FMN2: variants seen among roughly 807,000 people sequenced by gnomAD.
FMN2 encodes the protein formin 2.
A neutral mutation model predicts 142.3 loss-of-function variants in FMN2; 51 were observed. The observed-to-expected ratio is 0.36, with a 90% CI of 0.29 to 0.45. FMN2 has a LOEUF of 0.45. Among genes scored for constraint, FMN2 ranks in the 20% least tolerant of loss-of-function variants. The pLI is 1.00. For synonymous variants in FMN2, 882 were observed against 869.8 expected (o/e 1.01, Z -0.25); for missense variants, 1,936 against 2,122.8 (o/e 0.91, Z 1.73).
intron 6 of FMN2, among the ~76,000 whole-genome samples, chr1:240,212,801 C>CCCCAT (rs1340617275): frequency 1.3e-5 from 2 of 152,148 alleles, no homozygotes; most frequent in Non-Finnish European, 2.9e-5. Flanking sequence ...GTGGGGCTTA[C>CCCCAT]ATTGAGAAGA....
intron 1 of FMN2, among the ~76,000 whole-genome samples, chr1:240,120,023 T>G (rs1662171813): frequency 6.6e-6 from 1 of 152,104 alleles, no homozygotes. Flanking sequence ...AGGGGAAAAA[T>G]TTGTTATTTC....
intron 8 of FMN2, among the ~76,000 whole-genome samples, chr1:240,309,431 C>G (rs1670526214): frequency 6.6e-6 from 1 of 152,068 alleles, no homozygotes; most frequent in Admixed American, 6.5e-5. Context: ...AGGGAGGGCC[C>G]AGGAAACAAA....
intron 15 of FMN2, among the ~76,000 whole-genome samples, chr1:240,433,190 G>T (rs992855033): frequency 6.6e-6 from 1 of 152,072 alleles, no homozygotes; most frequent in Non-Finnish European, 1.5e-5. Context: ...TAATGTGGAT[G>T]CTTTTATAAT....
rs992801291 is a variant in FMN2 at position 240,211,223 on chromosome 1, G to A, written c.4053G>A (p.Thr1351=). 2.2e-5 allele frequency: 36 copies of A among 1,611,586 alleles called. No individual in the cohort carries two copies. The highest frequency in any genetic ancestry group is 2.7e-5 in the African/African-American group (2 of 74,792). ...CTATCTCTGATACTATCTCAAAGAC[G>A]AAGGCTAAACAAGTGAGTATTTTTG... is the stretch of plus-strand genomic sequence containing the variant. ...KKPISDTISK[T]KAKQVVKLLS... is the part of the protein sequence containing the mutation. Residue 1351 remains threonine (T), a synonymous_variant, in exon 6 of 18, where the codon ACG becomes ACA. Coordinates refer to ENST00000319653, the MANE Select transcript of FMN2 (RefSeq NM_020066.5).
intron 16 of FMN2, among the ~76,000 whole-genome samples, chr1:240,442,141 C>A (rs10926259): frequency 0.15 from 23,456 of 152,110 alleles, 2,557 homozygotes; most frequent in African/African-American, 0.3. Flanking sequence ...CTTTCTCCTC[C>A]TTTTTCCTCT....
intron 16 of FMN2, among the ~76,000 whole-genome samples, chr1:240,462,104 A>G (rs902396144): frequency 6.6e-6 from 1 of 152,224 alleles, no homozygotes. Context: ...ATGTTTGTTC[A>G]TTGTAAATTC....
chr1:240,170,783 TGACA>T (rs1664670080), intron 2 of FMN2: 1 of 1,119,476 alleles, frequency 8.9e-7, no homozygotes, highest in Non-Finnish European at 1.4e-6. Flanking sequence ...GGAGTTGGAT[TGACA>T]GTTATCGTGG....
At chr1:240,294,136 G>A (rs373260191) in intron 7 of FMN2, among the ~76,000 whole-genome samples, 3 of 152,110 alleles carry the variant, frequency 2.0e-5, no homozygotes, top group Non-Finnish European at 4.4e-5. Context: ...TATGCCTAAA[G>A]CAAGTAATAA....
chr1:240,366,158 G>T (rs10802865), intron 14 of FMN2, among the ~76,000 whole-genome samples: 79,490 of 151,908 alleles, frequency 0.52, 21,055 homozygotes, highest in African/African-American at 0.61. Context: ...GTATAAAGAT[G>T]TATCCCAATA....
At position 240,165,845 on chromosome 1, in the gene FMN2, G is replaced by A. The variant is rs114841060; in HGVS notation, c.1783-12076G>A. ...AGTTAATCTTTGTTACTAGTGTGAT[G>A]GAATTTTAGATTCTAACCCCAAGTG... On this transcript the variant is annotated intron_variant, in intron 2 of 17. Transcript: ENST00000319653. Among the ~76,000 whole-genome samples, 897 of 152,050 alleles carry A rather than the reference G, an allele frequency of 5.9e-3. 6 individuals carry two copies. The highest frequency in any genetic ancestry group is 0.01 in the Admixed American group (153 of 15,278).
chr1:240,253,596 A>G (rs1246983051), intron 6 of FMN2, among the ~76,000 whole-genome samples: 2 of 152,116 alleles, frequency 1.3e-5, no homozygotes, highest in Non-Finnish European at 2.9e-5. Context: ...AACTTCATGA[A>G]TGTCTTTTTC....
intron 16 of FMN2, among the ~76,000 whole-genome samples, chr1:240,451,533 T>C (rs1676045173): frequency 6.6e-6 from 1 of 151,986 alleles, no homozygotes; most frequent in Non-Finnish European, 1.5e-5. Context: ...GGAAATGAGA[T>C]GATTGGCGTG....
chr1:240,258,224 AT>A (rs1668515518), intron 7 of FMN2, among the ~76,000 whole-genome samples, 192 bp downstream of exon 7: 1 of 152,162 alleles, frequency 6.6e-6, no homozygotes, highest in Non-Finnish European at 1.5e-5. Flanking sequence ...CTGTGGTGTT[AT>A]TTATATACCT....
At chr1:240,388,247 A>T (rs935343692) in intron 14 of FMN2, among the ~76,000 whole-genome samples, 1 of 149,470 alleles carries the variant, frequency 6.7e-6, no homozygotes, top group African/African-American at 2.4e-5. Flanking sequence ...AAAAAAAAAA[A>T]AAAAAAATCA....
chr1:240,164,029 C>T (rs1187329370), intron 2 of FMN2, among the ~76,000 whole-genome samples: 10 of 152,050 alleles, frequency 6.6e-5, no homozygotes. Context: ...AGGGGTGCGT[C>T]ACCACCCCAA....
intron 1 of FMN2, among the ~76,000 whole-genome samples, chr1:240,111,932 A>T (rs1366618862): frequency 6.6e-6 from 1 of 152,192 alleles, no homozygotes; most frequent in Non-Finnish European, 1.5e-5. Flanking sequence ...TTTCAGGGGA[A>T]AGGAATAGGC....
intron 16 of FMN2, among the ~76,000 whole-genome samples, chr1:240,465,345 TG>T (rs1676579740): frequency 1.1e-4 from 7 of 63,076 alleles, no homozygotes; most frequent in African/African-American, 6.3e-4. Flanking sequence ...TGTGTGTGTG[TG>T]TGTGTGTGTG....
intron 2 of FMN2, chr1:240,143,889 C>T (rs1414526248): frequency 6.9e-6 from 11 of 1,585,570 alleles, no homozygotes; most frequent in Non-Finnish European, 9.5e-6. Flanking sequence ...AGTGTTAGGA[C>T]ATCTTCATGA....
At chr1:240,364,334 C>A (rs1275051667) in intron 14 of FMN2, among the ~76,000 whole-genome samples, 1 of 151,892 alleles carries the variant, frequency 6.6e-6, no homozygotes, top group African/African-American at 2.4e-5. Flanking sequence ...AGATGAAATC[C>A]CATGTAAGAT....
Sources: gnomAD v4.1 joint callset for allele counts (sites outside exome capture counted in the v4.1 genomes callset) on GRCh38, gnomAD v4.1.1 for gene constraint, MANE v1.5 for transcripts, NCBI Gene and HGNC (gene_info 2026-07-23, HGNC 2026-07-21) for gene names.